KMT2E: variants seen among roughly 807,000 people sequenced by gnomAD.
KMT2E encodes histone reader KMT2E.
KMT2E carries 30 observed loss-of-function variants against 184.6 expected under a neutral mutation model. That is an observed-to-expected ratio of 0.16 (90% confidence interval 0.12 to 0.22). KMT2E has a LOEUF of 0.22. Ranked by LOEUF, KMT2E falls within the 10% of genes least tolerant of loss-of-function variation. The probability of loss-of-function intolerance (pLI) is 1.00; values close to 1 mark genes in which losing one functional copy is unlikely to be tolerated. For missense variants in KMT2E, 2,023 were observed against 2,237.4 expected, an observed-to-expected ratio of 0.90 and a Z score of 1.93; for synonymous variants, 815 against 776.5, an observed-to-expected ratio of 1.05 and a Z score of -0.82.
intron 3 of KMT2E, among the ~76,000 whole-genome samples, chr7:105,054,393 C>G (rs1182112414): frequency 6.7e-6 from 1 of 149,014 alleles, no homozygotes; most frequent in Non-Finnish European, 1.5e-5. Context: ...TGAAGGAACT[C>G]AAGGAAAAAA....
intron 1 of KMT2E, among the ~76,000 whole-genome samples, chr7:105,033,373 G>C (rs1381339606): frequency 2.0e-5 from 3 of 152,230 alleles, no homozygotes; most frequent in African/African-American, 4.8e-5. Context: ...AGAAATAATA[G>C]AGAAATTCTA....
chr7:105,024,879 C>T (rs1373206893), intron 1 of KMT2E, among the ~76,000 whole-genome samples: 1 of 152,112 alleles, frequency 6.6e-6, no homozygotes, highest in Non-Finnish European at 1.5e-5. Flanking sequence ...GACTCTCTGT[C>T]TACTGCTTGT....
intron 15 of KMT2E, among the ~76,000 whole-genome samples, chr7:105,093,434 C>T (rs1001864157): frequency 6.6e-6 from 1 of 152,140 alleles, no homozygotes; most frequent in African/African-American, 2.4e-5. Context: ...GTAATCCCAG[C>T]ACTTTGGGAG....
chr7:105,082,613 C>T (rs1172432556), intron 13 of KMT2E, among the ~76,000 whole-genome samples: 4 of 151,820 alleles, frequency 2.6e-5, no homozygotes. Context: ...GTTGCTCTTG[C>T]TGTCTCAGGG....
chr7:105,088,876 G>A (rs1460898193), intron 13 of KMT2E, among the ~76,000 whole-genome samples: 4 of 152,182 alleles, frequency 2.6e-5, no homozygotes, highest in African/African-American at 7.2e-5. Context: ...ATGGTGAAAA[G>A]GAAACATTAA....
intron 1 of KMT2E, among the ~76,000 whole-genome samples, chr7:105,016,809 C>A (rs1466446507): frequency 1.3e-5 from 2 of 152,148 alleles, no homozygotes; most frequent in African/African-American, 4.8e-5. Flanking sequence ...TTTAGAGCAG[C>A]ATTTACTTCA....
At chr7:105,056,866 A>G (rs1241349151) in intron 3 of KMT2E, among the ~76,000 whole-genome samples, 1 of 152,216 alleles carries the variant, frequency 6.6e-6, no homozygotes, top group East Asian at 1.9e-4. Flanking sequence ...GGTAAAACAA[A>G]TATCCTTATT....
At chr7:105,043,239 C>CT (rs756242064) in intron 3 of KMT2E, among the ~76,000 whole-genome samples, 3,135 of 140,122 alleles carry the variant, frequency 0.022, 52 homozygotes, top group East Asian at 0.071. Flanking sequence ...TTCTTTTTTT[C>CT]TTTTTTTTTT....
intron 1 of KMT2E, among the ~76,000 whole-genome samples, chr7:105,033,125 G>C (rs555167953): frequency 6.6e-6 from 1 of 152,222 alleles, no homozygotes; most frequent in East Asian, 1.9e-4. Context: ...CATTATATTT[G>C]GCTTTCTTAG....
chr7:105,020,864 T>G (rs903242585), intron 1 of KMT2E, among the ~76,000 whole-genome samples: 1 of 152,244 alleles, frequency 6.6e-6, no homozygotes, highest in African/African-American at 2.4e-5. Flanking sequence ...AAGAAAAGAA[T>G]TAACCATTAC....
At chr7:105,086,825 C>T (rs1465807641) in intron 13 of KMT2E, among the ~76,000 whole-genome samples, 1 of 141,530 alleles carries the variant, frequency 7.1e-6, no homozygotes, top group Non-Finnish European at 1.5e-5. Context: ...ATATATATAC[C>T]ACTCCACATG....
Position 105,112,789 on chromosome 7 carries a change from C to G in KMT2E, c.5033C>G (p.Pro1678Arg). 6.3e-7 allele frequency: 1 copy of G among 1,585,902 alleles called. No homozygotes were observed. Among genetic ancestry groups the G allele is most frequent in the Non-Finnish European group, 8.6e-7 (1 of 1,164,128 alleles). The change falls in exon 27 of 27, where the codon CCC becomes CGC. Residue 1678 changes from proline to arginine, a missense_variant. By Grantham distance (103) the Pro-to-Arg change is moderately radical. This residue lies in a region of KMT2E where 1,108 missense variants were observed against 1,050.9 expected (regional missense o/e 1.05). Transcript: ENST00000311117. ...TCTCAAACTGCTGGACACCACTTAC[C>G]CCCACCCCCACCCCCTCCTGGTCCT... ...IHSQTAGHHL[P>R]PPPPPPGPAP...
intron 6 of KMT2E, among the ~76,000 whole-genome samples, chr7:105,070,263 G>T (rs1205245588): frequency 6.6e-6 from 1 of 152,060 alleles, no homozygotes; most frequent in Non-Finnish European, 1.5e-5. Flanking sequence ...GATATTGTCA[G>T]ACTATTTTCC....
intron 1 of KMT2E, among the ~76,000 whole-genome samples, chr7:105,030,825 A>G (rs1795379429): frequency 6.6e-6 from 1 of 152,232 alleles, no homozygotes; most frequent in Non-Finnish European, 1.5e-5. Context: ...ATAGGGAAAG[A>G]AACTACTTAG....
At chr7:105,050,970 A>T (rs1297878888) in intron 3 of KMT2E, among the ~76,000 whole-genome samples, 3 of 151,680 alleles carry the variant, frequency 2.0e-5, no homozygotes, top group African/African-American at 7.3e-5. Flanking sequence ...CAAGTGGTCC[A>T]CCTGCCTCGG....
chr7:105,063,627 C>G (rs1796909155), intron 5 of KMT2E, 47 bp downstream of exon 5: 1 of 1,269,924 alleles, frequency 7.9e-7, no homozygotes, highest in African/African-American at 1.5e-5. Flanking sequence ...ATGCTGATAA[C>G]CTTTGGTAAT....
intron 3 of KMT2E, 154 bp from the exon 4 acceptor site, chr7:105,062,010 G>T: frequency 3.7e-6 from 2 of 534,344 alleles, no homozygotes; most frequent in Non-Finnish European, 6.7e-6. Context: ...ATCTAGATGG[G>T]ATATATCTTA....
chr7:105,081,411 A>G (rs1797759015), intron 12 of KMT2E, among the ~76,000 whole-genome samples: 1 of 148,310 alleles, frequency 6.7e-6, no homozygotes, highest in African/African-American at 2.5e-5. Flanking sequence ...AGAATTGATG[A>G]AATATAGTAT....
chr7:105,072,805 C>A (rs1797375666), intron 6 of KMT2E, among the ~76,000 whole-genome samples: 1 of 152,074 alleles, frequency 6.6e-6, no homozygotes. Context: ...ACCCCAGCTA[C>A]TTGGGAGGCT....
Sources: gnomAD v4.1 joint callset for allele counts (sites outside exome capture counted in the v4.1 genomes callset) on GRCh38, gnomAD v4.1.1 for gene constraint, gnomAD v4.1.1 regional missense constraint, MANE v1.5 for transcripts, NCBI Gene and HGNC (gene_info 2026-07-23, HGNC 2026-07-21) for gene names.